The following PLEK2 variants were observed in gnomAD, a reference collection of about 807,000 sequenced individuals.
The protein encoded by PLEK2 is pleckstrin 2.
PLEK2 carries 29 observed loss-of-function variants against 43.8 expected under a neutral mutation model. That is an observed-to-expected ratio of 0.66 (90% confidence interval 0.49 to 0.90). PLEK2 has a LOEUF of 0.90. PLEK2 is among the 40% of genes least tolerant of loss of function. The pLI, the probability that PLEK2 is intolerant of heterozygous loss-of-function variation, is 0.00. For synonymous variants in PLEK2, 162 were observed against 173.2 expected, an observed-to-expected ratio of 0.94 and a Z score of 0.51; for missense variants, 398 against 448.1, an observed-to-expected ratio of 0.89 and a Z score of 1.01.
chr14:67,397,760 TGTA>T lies in PLEK2; in HGVS notation c.106_108del (p.Tyr36del). The T allele has an allele frequency of 6.2e-7, 1 of 1,613,498 alleles. No homozygotes were observed. Among genetic ancestry groups the T allele is most frequent in the East Asian group, 2.2e-5 (1 of 44,872 alleles). ...GTCACTCTCCGACCCCCCTCAAGCT[TGTA>T]GTACACCAGCGTGTTCTGCCGAAGG... On this transcript the variant is annotated inframe_deletion, in exon 2 of 9. Transcript: ENST00000216446.
intron 1 of PLEK2, among the ~76,000 whole-genome samples, chr14:67,410,784 T>C (rs1232276547): frequency 6.6e-6 from 1 of 152,186 alleles, no homozygotes; most frequent in Non-Finnish European, 1.5e-5. Context: ...ACCAGAAAGC[T>C]CAGCCCTGGA....
intron 2 of PLEK2, among the ~76,000 whole-genome samples, chr14:67,395,786 TC>T (rs969447080): frequency 9.2e-5 from 14 of 152,290 alleles, no homozygotes; most frequent in Admixed American, 2.0e-4. Flanking sequence ...CTGCAGCCTT[TC>T]CCTTGTGGAC....
chr14:67,401,314 T>A (rs116343594), intron 1 of PLEK2, among the ~76,000 whole-genome samples: 1 of 151,914 alleles, frequency 6.6e-6, no homozygotes, highest in Non-Finnish European at 1.5e-5. Context: ...TAGGAAGACC[T>A]CATCTCTATT....
At chr14:67,411,635 T>A (rs1354046303) in intron 1 of PLEK2, among the ~76,000 whole-genome samples, 1 of 152,198 alleles carries the variant, frequency 6.6e-6, no homozygotes, top group Non-Finnish European at 1.5e-5. Flanking sequence ...TTAAGACACA[T>A]AGTAGCATTC....
chr14:67,388,155 T>C, intron 8 of PLEK2, 69 bp downstream of exon 8: 1 of 950,380 alleles, frequency 1.1e-6, no homozygotes, highest in Non-Finnish European at 1.7e-6. Flanking sequence ...ATTTCATTAG[T>C]GGGACATTAC....
Position 67,397,695 on chromosome 14 carries a change from G to T in PLEK2, c.174C>A (p.Ile58=). ...KGRILLDGCT[I]TCPCLEYENR... is the part of the protein sequence containing the mutation. ...TTTCATACTCCAGGCAGGGGCAGGT[G>T]ATGGTGCAGCCATCCAGGAGGATCC... Residue 58 remains isoleucine, a synonymous_variant, in exon 2 of 9, where the codon ATC becomes ATA. Transcript: ENST00000216446. The T allele has an allele frequency of 6.2e-7, 1 of 1,613,356 alleles. No individual in the cohort carries two copies. The highest frequency in any genetic ancestry group is 8.5e-7 in the Non-Finnish European group (1 of 1,179,642).
intron 1 of PLEK2, among the ~76,000 whole-genome samples, chr14:67,411,158 A>G (rs916293008): frequency 6.7e-6 from 1 of 149,620 alleles, no homozygotes; most frequent in East Asian, 2.0e-4. Context: ...AAAAAAAAAA[A>G]GGTCAAATCA....
In PLEK2 at chr14:67,387,247, A is replaced by T. The variant is rs2085932135; in HGVS notation, c.*82T>A. The T allele has an allele frequency of 2.9e-6, 4 of 1,386,546 alleles. No homozygotes were observed. Among genetic ancestry groups the T allele is most frequent in the South Asian group, 2.7e-5 (2 of 72,926 alleles). 85.9% of individuals were successfully genotyped at this position (1,386,546 alleles called of 1,614,324 possible). A position where few individuals can be genotyped will look rare whatever the true frequency, so the allele number is the denominator to read the frequency against. ...GTACAAAACTTACAAAGAAGTCAAA[A>T]GTCTTAACACTCCCATTCTCCAGGA... On this transcript the variant is annotated 3_prime_UTR_variant, in exon 9 of 9. Transcript: ENST00000216446.
intron 1 of PLEK2, among the ~76,000 whole-genome samples, chr14:67,403,830 T>C (rs1216142116): frequency 6.6e-6 from 1 of 152,078 alleles, no homozygotes; most frequent in East Asian, 1.9e-4. Context: ...GGAGAGAGGA[T>C]CTCCTGAGCC....
intron 1 of PLEK2, among the ~76,000 whole-genome samples, chr14:67,400,301 G>A (rs954410816): frequency 6.6e-6 from 1 of 152,208 alleles, no homozygotes; most frequent in South Asian, 2.1e-4. Context: ...TTCCATGAGA[G>A]GGTTCATGCA....
At chr14:67,402,968 C>T (rs2086058487) in intron 1 of PLEK2, among the ~76,000 whole-genome samples, 1 of 152,164 alleles carries the variant, frequency 6.6e-6, no homozygotes, top group Admixed American at 6.5e-5. Context: ...CATGGTAGCT[C>T]TATTTATATT....
chr14:67,398,474 C>G (rs572731435), intron 1 of PLEK2, among the ~76,000 whole-genome samples: 13 of 152,218 alleles, frequency 8.5e-5, no homozygotes, highest in African/African-American at 2.6e-4. Flanking sequence ...CCTAAACTAC[C>G]CTTCTCTTTA....
At chr14:67,391,269 ATATGTGTGTG>A (rs1275837391) in intron 6 of PLEK2, among the ~76,000 whole-genome samples, 2 of 139,646 alleles carry the variant, frequency 1.4e-5, no homozygotes, top group African/African-American at 5.9e-5. Flanking sequence ...TAAGCAGCTG[ATATGTGTGTG>A]TGTGTGTGTG....
chr14:67,398,325 A>G (rs1595658190), intron 1 of PLEK2, among the ~76,000 whole-genome samples: 1 of 152,112 alleles, frequency 6.6e-6, no homozygotes, highest in African/African-American at 2.4e-5. Flanking sequence ...CCTGGACTCA[A>G]GTGATCCTCC....
intron 1 of PLEK2, among the ~76,000 whole-genome samples, chr14:67,398,713 C>T (rs923595537): frequency 2.0e-4 from 30 of 152,154 alleles, no homozygotes; most frequent in Middle Eastern, 3.4e-3. Context: ...TGTGCCACCA[C>T]ACCCGGCTAA....
Position 67,392,403 on chromosome 14 carries a change from T to C in PLEK2, c.694A>G (p.Ser232Gly). 1 of 1,613,500 alleles carries C rather than the reference T, an allele frequency of 6.2e-7. No individual in the cohort carries two copies. Among genetic ancestry groups the C allele is most frequent in the South Asian group, 1.1e-5 (1 of 91,064 alleles). Residue 232 changes from serine (S) to glycine (G), a missense_variant, in exon 6 of 9, where the codon AGC becomes GGC. Ser to Gly is a moderately conservative substitution (Grantham distance 56). Transcript: ENST00000216446. ...CTCAGGCTAATTTCTTCCTTGGGGC[T>C]TATCTTCTTTTTGTAGCTCTCAGCC... ...TFAESYKKKI[S>G]PKEEISLSTV...
At chr14:67,402,958 CA>C (rs1380352492) in intron 1 of PLEK2, among the ~76,000 whole-genome samples, 1 of 152,178 alleles carries the variant, frequency 6.6e-6, no homozygotes, top group African/African-American at 2.4e-5. Context: ...TGCTGGATCA[CA>C]TGGTAGCTCT....
rs1442918917 is a variant in PLEK2, at chr14:67,393,009, C to A, written c.481+141G>T. 8.0e-6 allele frequency: 7 copies of A among 877,704 alleles called. No homozygotes were observed. In the East Asian group the frequency reaches 1.7e-4, roughly 21 times the overall value. The allele number at this position is 877,704 out of a possible 1,614,324, so 54.4% of individuals were successfully genotyped here. A position where few individuals can be genotyped will look rare whatever the true frequency, so the allele number is the denominator to read the frequency against. ...TGCTGCATAGAGCCGTGGCTGCACA[C>A]CCACACATGGCCATCTCAGGCTAGC... On this transcript the variant is annotated intron_variant, in intron 4 of 8. Coordinates refer to ENST00000216446, the MANE Select transcript of PLEK2 (RefSeq NM_016445.3).
chr14:67,389,260 C>T (rs998131828), intron 7 of PLEK2, among the ~76,000 whole-genome samples: 3 of 151,806 alleles, frequency 2.0e-5, no homozygotes, highest in Non-Finnish European at 2.9e-5. Context: ...TAAATGCCAA[C>T]GGGAGGAAAG....
Sources: allele counts gnomAD v4.1 joint callset (sites outside exome capture counted in the v4.1 genomes callset), GRCh38; gene constraint gnomAD v4.1.1; transcripts MANE v1.5; gene names NCBI Gene and HGNC (gene_info 2026-07-23, HGNC 2026-07-21).